Variants in TMEM135 observed in about 807,000 individuals in gnomAD.
TMEM135 encodes the protein transmembrane protein 135.
Under a neutral mutation model 60.3 loss-of-function variants are expected in TMEM135, and 30 were observed. The ratio of observed to expected loss-of-function variants is 0.50; its 90% confidence interval spans 0.37 to 0.68. The LOEUF (loss-of-function observed/expected upper bound fraction) is 0.68, where lower values mean the gene tolerates loss of function less well. TMEM135 is among the 30% of genes least tolerant of loss of function. The probability of loss-of-function intolerance (pLI) is 0.00; values close to 1 mark genes in which losing one functional copy is unlikely to be tolerated. For synonymous variants in TMEM135, 190 were observed against 186.7 expected, an observed-to-expected ratio of 1.02 and a Z score of -0.14; for missense variants, 468 against 548.8, an observed-to-expected ratio of 0.85 and a Z score of 1.47.
At chr11:87,118,230 G>A (rs1242188969) in intron 4 of TMEM135, among the ~76,000 whole-genome samples, 2 of 152,132 alleles carry the variant, frequency 1.3e-5, no homozygotes, top group South Asian at 2.1e-4. Context: ...TGTCAGAATG[G>A]TAAATGGTCA....
chr11:87,166,864 G>A (rs1939065403), intron 5 of TMEM135, among the ~76,000 whole-genome samples: 1 of 151,960 alleles, frequency 6.6e-6, no homozygotes, highest in African/African-American at 2.4e-5. Flanking sequence ...AGCTTGATGG[G>A]GATAGCATTG....
At position 87,321,443 on chromosome 11, in the gene TMEM135, G is replaced by T; in HGVS notation, c.*110G>T. The T allele has an allele frequency of 8.5e-7, 1 of 1,176,032 alleles. No individual in the cohort carries two copies. The allele number at this position is 1,176,032 out of a possible 1,614,324, so 72.8% of individuals were successfully genotyped here. On this transcript the variant is annotated 3_prime_UTR_variant, in exon 15 of 15. Transcript: ENST00000305494. ...GAACTTCAGTGTTATTTCAGTTAGA[G>T]ATACTCTTTTCATTTGTTTTGTTTT...
intron 5 of TMEM135, among the ~76,000 whole-genome samples, chr11:87,195,391 T>TTCCTTCCTTCTC: frequency 1.5e-5 from 1 of 65,792 alleles, no homozygotes; most frequent in South Asian, 5.1e-4. Context: ...CCTTCCTTCC[T>TTCCTTCCTTCTC]TCTCTCTCTC....
intron 5 of TMEM135, among the ~76,000 whole-genome samples, chr11:87,229,678 A>T (rs1284388371): frequency 1.3e-5 from 2 of 152,176 alleles, no homozygotes; most frequent in African/African-American, 4.8e-5. Flanking sequence ...ACTCTGATTC[A>T]TAGGAGACTT....
intron 5 of TMEM135, among the ~76,000 whole-genome samples, chr11:87,158,799 A>G (rs1938780497): frequency 6.6e-6 from 1 of 152,192 alleles, no homozygotes; most frequent in African/African-American, 2.4e-5. Context: ...TATTTTGTCT[A>G]TACAGAAAGA....
At position 87,067,760 on chromosome 11, in the gene TMEM135, C is replaced by T; in HGVS notation, c.208C>T (p.Gln70Ter). ...YLHKLLPEIL[Q>*]SASFLTANGA... is the part of the protein sequence containing the mutation. ...ACACAAACTACTCCCTGAGATCCTACAATCCGCTTCATTTCTAACTGCTAA... is the reference window on the plus strand; with the variant it reads ...ACACAAACTACTCCCTGAGATCCTATAATCCGCTTCATTTCTAACTGCTAA... Residue 70 changes from glutamine to a stop codon, truncating the protein, a stop_gained, in exon 2 of 15, where the codon CAA (glutamine) becomes TAA (stop). Transcript: ENST00000305494. LOFTEE classifies it high-confidence loss of function. The T allele has an allele frequency of 6.2e-7, 1 of 1,613,926 alleles. No homozygotes were observed. Among genetic ancestry groups the T allele is most frequent in the Non-Finnish European group, 8.5e-7 (1 of 1,179,926 alleles).
intron 5 of TMEM135, among the ~76,000 whole-genome samples, chr11:87,184,987 A>T (rs1939614160): frequency 6.6e-6 from 1 of 152,192 alleles, no homozygotes; most frequent in Admixed American, 6.5e-5. Flanking sequence ...AAAAGTAAAG[A>T]GGATAATCCC....
intron 4 of TMEM135, among the ~76,000 whole-genome samples, chr11:87,116,079 CAGTT>C (rs1014643331): frequency 3.9e-5 from 6 of 151,948 alleles, no homozygotes; most frequent in Non-Finnish European, 7.4e-5. Flanking sequence ...TGAAGAAAAT[CAGTT>C]AACATTCATT....
chr11:87,100,751 A>T (rs1857439847), intron 4 of TMEM135, among the ~76,000 whole-genome samples: 2 of 152,068 alleles, frequency 1.3e-5, no homozygotes, highest in Admixed American at 6.6e-5. Context: ...AATCCTACCT[A>T]CTAGGGAGGC....
chr11:87,196,096 T>C (rs1270071037), intron 5 of TMEM135, among the ~76,000 whole-genome samples: 1 of 152,154 alleles, frequency 6.6e-6, no homozygotes. Flanking sequence ...GCTGGAATTA[T>C]TACCCAAGAA....
chr11:87,072,699 C>G (rs918287244), intron 3 of TMEM135, among the ~76,000 whole-genome samples: 5 of 151,948 alleles, frequency 3.3e-5, no homozygotes, highest in African/African-American at 9.7e-5. Context: ...TTTAAGACAT[C>G]TTGTATTTAA....
At chr11:87,132,509 A>G (rs1291487520) in intron 4 of TMEM135, among the ~76,000 whole-genome samples, 1 of 152,144 alleles carries the variant, frequency 6.6e-6, no homozygotes, top group Non-Finnish European at 1.5e-5. Context: ...TGTACATGAT[A>G]TTGGATTCAT....
intron 5 of TMEM135, among the ~76,000 whole-genome samples, chr11:87,158,757 C>A (rs1390476435): frequency 6.6e-6 from 1 of 152,156 alleles, no homozygotes; most frequent in African/African-American, 2.4e-5. Flanking sequence ...AGCCACCGCG[C>A]CCGGCCTAAC....
chr11:87,177,240 A>C (rs1213240480), intron 5 of TMEM135, among the ~76,000 whole-genome samples: 1 of 152,064 alleles, frequency 6.6e-6, no homozygotes, highest in Non-Finnish European at 1.5e-5. Context: ...TACATCCTAC[A>C]TCCTACTTGT....
At chr11:87,072,789 A>G (rs893678483) in intron 3 of TMEM135, among the ~76,000 whole-genome samples, 1 of 152,222 alleles carries the variant, frequency 6.6e-6, no homozygotes, top group East Asian at 1.9e-4. Flanking sequence ...AAACTTACAT[A>G]AACTGTTCAG....
intron 5 of TMEM135, among the ~76,000 whole-genome samples, chr11:87,225,997 C>T (rs1192593424): frequency 2.0e-5 from 3 of 151,826 alleles, no homozygotes; most frequent in Non-Finnish European, 4.4e-5. Flanking sequence ...ATTAACTATC[C>T]ATCTTTAAAC....
At chr11:87,206,411 T>C (rs368959351) in intron 5 of TMEM135, among the ~76,000 whole-genome samples, 1 of 152,188 alleles carries the variant, frequency 6.6e-6, no homozygotes, top group Non-Finnish European at 1.5e-5. Flanking sequence ...TGATGGTACA[T>C]GTAACTCATT....
At chr11:87,145,335 G>A (rs1938384592) in intron 4 of TMEM135, among the ~76,000 whole-genome samples, 1 of 152,062 alleles carries the variant, frequency 6.6e-6, no homozygotes. Context: ...TCTGTTGATG[G>A]ACACTTAGGT....
chr11:87,278,343 A>G (rs1026447946), intron 6 of TMEM135, among the ~76,000 whole-genome samples: 4 of 150,532 alleles, frequency 2.7e-5, no homozygotes, highest in Admixed American at 2.6e-4. Flanking sequence ...ATAATTTTTT[A>G]CCTCTAGTTC....
Sources: allele counts gnomAD v4.1 joint callset (sites outside exome capture counted in the v4.1 genomes callset), GRCh38; gene constraint gnomAD v4.1.1; transcripts MANE v1.5; gene names NCBI Gene and HGNC (gene_info 2026-07-23, HGNC 2026-07-21).